Variants in SGPP2 observed in about 807,000 individuals in gnomAD.
SGPP2 encodes sphingosine-1-phosphate phosphatase 2, also known as sphingosine 1-phosphate phosphohydrolase 2.
A neutral mutation model predicts 33.9 loss-of-function variants in SGPP2; 30 were observed. The observed-to-expected ratio is 0.89, with a 90% confidence interval of 0.66 to 1.20. The LOEUF (loss-of-function observed/expected upper bound fraction) is 1.20. Ranked by LOEUF, SGPP2 falls within the 50% of genes most tolerant of loss-of-function variation. SGPP2 has a pLI of 0.00. For synonymous variants in SGPP2, 233 were observed against 225.0 expected, an observed-to-expected ratio of 1.04 and a Z score of -0.32; for missense variants, 458 against 532.1, an observed-to-expected ratio of 0.86 and a Z score of 1.37.
At chr2:222,491,279 T>A (rs1698193275) in intron 2 of SGPP2, among the ~76,000 whole-genome samples, 1 of 152,178 alleles carries the variant, frequency 6.6e-6, no homozygotes, top group Admixed American at 6.5e-5. Context: ...GGACTACAGA[T>A]AGCTACCACC....
At chr2:222,508,478 A>G (rs1698478540) in intron 2 of SGPP2, among the ~76,000 whole-genome samples, 1 of 152,220 alleles carries the variant, frequency 6.6e-6, no homozygotes, top group Non-Finnish European at 1.5e-5. Flanking sequence ...ATTGAAATAG[A>G]TAATGTCTGT....
chr2:222,488,002 C>T (rs80328973), intron 2 of SGPP2, among the ~76,000 whole-genome samples: 2,509 of 152,288 alleles, frequency 0.016, 58 homozygotes, highest in African/African-American at 0.056. Context: ...ACATTGGCCA[C>T]TCCTGGATTC....
intron 4 of SGPP2, among the ~76,000 whole-genome samples, chr2:222,552,823 G>A (rs1291903953): frequency 6.6e-6 from 1 of 152,156 alleles, no homozygotes; most frequent in Non-Finnish European, 1.5e-5. Flanking sequence ...TCACACCATT[G>A]CACTCCAGCC....
chr2:222,545,283 C>T (rs1168503570), intron 4 of SGPP2, among the ~76,000 whole-genome samples: 128 of 135,994 alleles, frequency 9.4e-4, no homozygotes, highest in African/African-American at 3.2e-3. Context: ...GAGCTTATGG[C>T]TTTTTTTTTT....
rs1175160121 is a variant in SGPP2 at position 222,560,762 on chromosome 2, C to A, written c.*1864C>A. The A allele has an allele frequency of 6.6e-6, 1 of 152,140 alleles. No homozygotes were observed. Among genetic ancestry groups the A allele is most frequent in the African/African-American group, 2.4e-5 (1 of 41,436 alleles). The allele number at this position is 152,140 out of a possible 1,614,324, so 9.4% of individuals were successfully genotyped here. A position where few individuals can be genotyped will look rare whatever the true frequency, so the allele number is the denominator to read the frequency against. On this transcript the variant is annotated 3_prime_UTR_variant, in exon 5 of 5. Transcript: ENST00000321276. The stretch of plus-strand genomic sequence containing the variant: ...TTTTCTTGATTTCAAATATGTTCTA[C>A]GGCCTTACTGTTGGGATGATATTTA...
upstream of SGPP2, among the ~76,000 whole-genome samples, chr2:222,424,327 C>A (rs1396391437): frequency 6.6e-6 from 1 of 152,084 alleles, no homozygotes; most frequent in Non-Finnish European, 1.5e-5. Context: ...CGGCACTCCT[C>A]CGTCCAGTTA....
intron 4 of SGPP2, among the ~76,000 whole-genome samples, chr2:222,553,368 A>G (rs1352406322): frequency 2.6e-5 from 4 of 152,242 alleles, no homozygotes; most frequent in Non-Finnish European, 5.9e-5. Context: ...AAGCAAATAG[A>G]CGTATGTGAG....
chr2:222,451,229 C>A (rs546444469), intron 1 of SGPP2, among the ~76,000 whole-genome samples: 3 of 151,318 alleles, frequency 2.0e-5, no homozygotes, highest in African/African-American at 7.3e-5. Flanking sequence ...TTCAAAGTTC[C>A]TATGAAATCA....
At chr2:222,466,023 G>A (rs912265452) in intron 1 of SGPP2, among the ~76,000 whole-genome samples, 1 of 152,130 alleles carries the variant, frequency 6.6e-6, no homozygotes, top group Admixed American at 6.6e-5. Flanking sequence ...GCTGGCTGTG[G>A]TGGCTCATGC....
rs577917495 is a variant in SGPP2, at chr2:222,561,542, A to G, written c.*2644A>G. 3.5e-3 allele frequency among the ~76,000 whole-genome samples: 528 copies of G among 148,962 alleles called. 3 individuals carry two copies. Among genetic ancestry groups the G allele is most frequent in the South Asian group, 0.02 (94 of 4,770 alleles). ...GATATATATATATCATTTTATATAT[A>G]TATATATATCATATACATAATTTTT... On this transcript the variant is annotated 3_prime_UTR_variant, in exon 5 of 5. Coordinates refer to ENST00000321276, the MANE Select transcript of SGPP2 (RefSeq NM_152386.4).
At chr2:222,442,614 T>G (rs1227007342) in intron 1 of SGPP2, among the ~76,000 whole-genome samples, 1 of 152,230 alleles carries the variant, frequency 6.6e-6, no homozygotes, top group Non-Finnish European at 1.5e-5. Context: ...TATGCAAATA[T>G]CCTTGAACAT....
chr2:222,558,969 T>C lies in SGPP2; in HGVS notation c.*71T>C. ...CATAGGAAAGTTATTGGTAGGCAAA[T>C]CTTGACAACTTATTTTTCTTTAACA... On this transcript the variant is annotated 3_prime_UTR_variant, in exon 5 of 5. Coordinates refer to ENST00000321276, the MANE Select transcript of SGPP2 (RefSeq NM_152386.4). 1 of 1,460,628 alleles carries C rather than the reference T, an allele frequency of 6.8e-7. No homozygotes were observed. The highest frequency in any genetic ancestry group is 9.3e-7 in the Non-Finnish European group (1 of 1,074,984). 90.5% of individuals were successfully genotyped at this position (1,460,628 alleles called of 1,614,324 possible).
intron 2 of SGPP2, among the ~76,000 whole-genome samples, chr2:222,513,898 C>A (rs1203714960): frequency 2.0e-5 from 3 of 152,146 alleles, no homozygotes; most frequent in Non-Finnish European, 2.9e-5. Flanking sequence ...CCCTACATAT[C>A]CACTAGTCAA....
intron 2 of SGPP2, 43 bp downstream of exon 2, chr2:222,474,769 C>T (rs942019981): frequency 2.7e-6 from 4 of 1,456,158 alleles, no homozygotes; most frequent in South Asian, 2.5e-5. Context: ...ACTTCTAAAA[C>T]AACTACTTCC....
chr2:222,534,998 A>G (rs1478566103), intron 4 of SGPP2, among the ~76,000 whole-genome samples: 3 of 152,220 alleles, frequency 2.0e-5, no homozygotes, highest in Non-Finnish European at 4.4e-5. Context: ...AAGAACTTTC[A>G]TATGTATTAC....
chr2:222,560,269 C>T lies in SGPP2; in HGVS notation c.*1371C>T, dbSNP rs1689511972. The stretch of plus-strand genomic sequence containing the variant: ...GACATTGCCTGTCCTGACAAGGCCT[C>T]CCTGACATTACTCCTCCAATTTCAC... On this transcript the variant is annotated 3_prime_UTR_variant, in exon 5 of 5. Coordinates refer to ENST00000321276, the MANE Select transcript of SGPP2 (RefSeq NM_152386.4). 6.6e-6 allele frequency: 1 copy of T among 152,214 alleles called. No individual in the cohort carries two copies. Among genetic ancestry groups the T allele is most frequent in the Non-Finnish European group, 1.5e-5 (1 of 68,048 alleles). The allele number at this position is 152,214 out of a possible 1,614,324, so 9.4% of individuals were successfully genotyped here.
chr2:222,508,213 A>C (rs1698474528), intron 2 of SGPP2, among the ~76,000 whole-genome samples: 1 of 152,214 alleles, frequency 6.6e-6, no homozygotes. Flanking sequence ...CTAAAGAATT[A>C]AGATAATAGA....
At chr2:222,539,336 G>C (rs1698959366) in intron 4 of SGPP2, among the ~76,000 whole-genome samples, 1 of 152,190 alleles carries the variant, frequency 6.6e-6, no homozygotes, top group Non-Finnish European at 1.5e-5. Flanking sequence ...AAAGAAACTG[G>C]TTTAGCATTG....
At chr2:222,452,634 G>A in intron 1 of SGPP2, 3 of 1,371,634 alleles carry the variant, frequency 2.2e-6, no homozygotes, top group Admixed American at 3.4e-5. Flanking sequence ...GGTGCACCAG[G>A]TCTGAGTGTT....
Sources: gnomAD v4.1 joint callset for allele counts (sites outside exome capture counted in the v4.1 genomes callset) on GRCh38, gnomAD v4.1.1 for gene constraint, MANE v1.5 for transcripts, NCBI Gene and HGNC (gene_info 2026-07-23, HGNC 2026-07-21) for gene names.